CDH18: variants seen among roughly 807,000 people sequenced by gnomAD.
CDH18 encodes the protein cadherin 18, also known as cadherin-18.
A neutral mutation model predicts 67.9 loss-of-function variants in CDH18; 31 were observed. That is an observed-to-expected ratio of 0.46 (90% CI 0.34 to 0.62). The LOEUF (loss-of-function observed/expected upper bound fraction) is 0.62, where lower values mean the gene tolerates loss of function less well. Ranked by LOEUF, CDH18 falls within the 20% of genes least tolerant of loss-of-function variation. The pLI, the probability that CDH18 is intolerant of heterozygous loss-of-function variation, is 0.01. For missense variants in CDH18, 890 were observed against 975.5 expected (o/e 0.91, Z 1.17); for synonymous variants, 362 against 347.2 (o/e 1.04, Z -0.48).
At chr5:19,584,321 A>G (rs1366484806) in intron 7 of CDH18, among the ~76,000 whole-genome samples, 2 of 152,222 alleles carry the variant, frequency 1.3e-5, no homozygotes, top group Non-Finnish European at 2.9e-5. Context: ...CGTTGCAGAC[A>G]GTCCTGCTGG....
chr5:20,056,995 T>C (rs1742050246), intron 2 of CDH18, among the ~76,000 whole-genome samples: 1 of 152,120 alleles, frequency 6.6e-6, no homozygotes, highest in Non-Finnish European at 1.5e-5. Flanking sequence ...GAGTTCTATA[T>C]TCTTGAAGAA....
intron 3 of CDH18, among the ~76,000 whole-genome samples, chr5:19,778,310 C>T (rs1774640093): frequency 6.6e-6 from 1 of 152,160 alleles, no homozygotes; most frequent in South Asian, 2.1e-4. Context: ...TATCTGCTTT[C>T]ACCTCTTGTA....
At chr5:20,138,338 A>G (rs566492279) in intron 2 of CDH18, among the ~76,000 whole-genome samples, 34 of 152,304 alleles carry the variant, frequency 2.2e-4, no homozygotes, top group Middle Eastern at 6.8e-3. Flanking sequence ...GCTGTTTATG[A>G]CATACCCACA....
intron 2 of CDH18, among the ~76,000 whole-genome samples, chr5:20,144,842 T>C (rs945413511): frequency 5.3e-5 from 8 of 152,076 alleles, no homozygotes; most frequent in Non-Finnish European, 1.2e-4. Context: ...GGGATTCTTA[T>C]AAAAGGGGGA....
chr5:20,085,631 T>G (rs923259951), intron 2 of CDH18, among the ~76,000 whole-genome samples: 6 of 152,190 alleles, frequency 3.9e-5, no homozygotes, highest in Non-Finnish European at 8.8e-5. Context: ...GGACTTATAG[T>G]TCCACATGGC....
intron 11 of CDH18, among the ~76,000 whole-genome samples, chr5:19,484,260 A>C (rs1309313863): frequency 6.6e-6 from 1 of 152,176 alleles, no homozygotes; most frequent in Non-Finnish European, 1.5e-5. Flanking sequence ...CATAGCTGAA[A>C]ATAATTTTTG....
At position 20,343,042 on chromosome 5, in the gene CDH18, G is replaced by A. The variant is rs988229164; in HGVS notation, c.-579-87537C>T. Among the ~76,000 whole-genome samples the A allele has an allele frequency of 1.4e-4, 21 of 152,136 alleles. 1 individual carries two copies. Among genetic ancestry groups the A allele is most frequent in the Middle Eastern group, 3.2e-3 (1 of 316 alleles). On this transcript the variant is annotated intron_variant, in intron 1 of 14. Coordinates refer to the CDH18 transcript ENST00000507958. ...CTTTTCTCTGTATGTCAGATCTAAC[G>A]GTTTGAACTGCAGTCACTCAACTAA...
At chr5:20,254,062 C>T (rs184665722) in intron 2 of CDH18, among the ~76,000 whole-genome samples, 3 of 152,216 alleles carry the variant, frequency 2.0e-5, no homozygotes, top group Admixed American at 2.0e-4. Context: ...GACATTTCAC[C>T]AAAAACTTTA....
chr5:20,318,627 G>A (rs1157188827), intron 1 of CDH18, among the ~76,000 whole-genome samples: 2 of 152,066 alleles, frequency 1.3e-5, no homozygotes, highest in Non-Finnish European at 2.9e-5. Flanking sequence ...TGTAAGAAGT[G>A]TCAGCTTCCC....
intron 2 of CDH18, among the ~76,000 whole-genome samples, chr5:20,150,069 T>C (rs1045641728): frequency 4.6e-5 from 7 of 152,146 alleles, no homozygotes; most frequent in African/African-American, 1.7e-4. Flanking sequence ...CAGTTTTTTA[T>C]TCAGTGGATT....
At chr5:19,721,683 C>A (rs2150579894) in intron 4 of CDH18, among the ~76,000 whole-genome samples, 1 of 152,210 alleles carries the variant, frequency 6.6e-6, no homozygotes, top group East Asian at 1.9e-4. Flanking sequence ...TGGTCCCAAA[C>A]CTTTTAACAT....
intron 2 of CDH18, among the ~76,000 whole-genome samples, chr5:20,090,518 G>C (rs1384205174): frequency 6.6e-6 from 1 of 152,000 alleles, no homozygotes; most frequent in Non-Finnish European, 1.5e-5. Flanking sequence ...CTGGGCGACA[G>C]AGCAAGACTC....
chr5:19,638,224 A>T (rs1314884457), intron 5 of CDH18, among the ~76,000 whole-genome samples: 1 of 152,254 alleles, frequency 6.6e-6, no homozygotes, highest in Non-Finnish European at 1.5e-5. Flanking sequence ...TAGAAGTACC[A>T]TATTTTCTCT....
intron 1 of CDH18, among the ~76,000 whole-genome samples, chr5:20,331,195 A>G (rs1739139106): frequency 6.6e-6 from 1 of 152,214 alleles, no homozygotes; most frequent in Admixed American, 6.5e-5. Flanking sequence ...ATTCAGGACT[A>G]GTAGTATAAA....
chr5:20,511,940 A>G (rs1022864648), intron 1 of CDH18, among the ~76,000 whole-genome samples: 1 of 152,176 alleles, frequency 6.6e-6, no homozygotes, highest in Non-Finnish European at 1.5e-5. Context: ...TATAAATTTA[A>G]AAAACAGGCT....
At chr5:20,532,406 A>C (rs1756459684) in intron 1 of CDH18, among the ~76,000 whole-genome samples, 1 of 152,102 alleles carries the variant, frequency 6.6e-6, no homozygotes. Flanking sequence ...TCCTGTACTC[A>C]GTGCTAAAAT....
At chr5:20,355,860 C>A (rs762789863) in intron 1 of CDH18, among the ~76,000 whole-genome samples, 1 of 152,096 alleles carries the variant, frequency 6.6e-6, no homozygotes, top group Non-Finnish European at 1.5e-5. Context: ...AATGGAAGCA[C>A]AAGAGTCACA....
chr5:19,798,415 T>C (rs1303294529), intron 3 of CDH18, among the ~76,000 whole-genome samples: 1 of 152,022 alleles, frequency 6.6e-6, no homozygotes, highest in Non-Finnish European at 1.5e-5. Context: ...TTATGCTCAA[T>C]TGAAACAATG....
In CDH18 at chr5:19,495,037, G is replaced by A. The variant is rs139996601; in HGVS notation, c.1630+7955C>T. On this transcript the variant is annotated intron_variant, in intron 11 of 12. Transcript: ENST00000382275. Reference sequence around the variant, plus strand: ...CGTACTGTGAGAACATAATTCTTTGGGAAGAATTCTTTGGGAAGGATATGT... The same window carrying A: ...CGTACTGTGAGAACATAATTCTTTGAGAAGAATTCTTTGGGAAGGATATGT... 2.0e-5 allele frequency among the ~76,000 whole-genome samples: 3 copies of A among 152,136 alleles called. No individual in the cohort carries two copies. In the East Asian group the frequency reaches 5.8e-4, roughly 29 times the overall value.
Sources: allele counts gnomAD v4.1 joint callset (sites outside exome capture counted in the v4.1 genomes callset), GRCh38; gene constraint gnomAD v4.1.1; transcripts MANE v1.5; gene names NCBI Gene and HGNC (gene_info 2026-07-23, HGNC 2026-07-21).